The following CELSR1 variants were observed in gnomAD, a reference collection of about 807,000 sequenced individuals.
CELSR1 encodes cadherin EGF LAG seven-pass G-type receptor 1.
A neutral mutation model predicts 249.1 loss-of-function variants in CELSR1; 110 were observed. That is an observed-to-expected ratio of 0.44 (90% CI 0.38 to 0.52). CELSR1 has a LOEUF of 0.52. Among genes scored for constraint, CELSR1 ranks in the 20% least tolerant of loss-of-function variants. The pLI is 0.00. For missense variants in CELSR1, 4,109 were observed against 4,296.4 expected (o/e 0.96, Z 1.22); for synonymous variants, 2,113 against 1,900.0 (o/e 1.11, Z -2.92).
intron 5 of CELSR1, among the ~76,000 whole-genome samples, chr22:46,421,215 A>G (rs546078527): frequency 1.3e-4 from 20 of 149,400 alleles, no homozygotes; most frequent in African/African-American, 4.9e-4. Context: ...CTGGGGGGGT[A>G]GAGGCGGGAA....
intron 1 of CELSR1, among the ~76,000 whole-genome samples, chr22:46,524,282 C>T (rs962751574): frequency 1.3e-5 from 2 of 152,318 alleles, no homozygotes; most frequent in South Asian, 2.1e-4. Context: ...CAGACCCAGG[C>T]GGTCCCGCGC....
rs532407667 is a variant in CELSR1 at position 46,484,129 on chromosome 22, C to G, written c.3545-19784G>C. On this transcript the variant is annotated intron_variant, in intron 1 of 34. Transcript: ENST00000674500. This position sits in a 1 kb window ranked among gnomAD's most constrained non-coding sequence, Gnocchi z 4.5. ...GGAGGAGCGCCCCAGGCCTTCCGCC[C>G]AGAAATCCAAGGGTACAGGGCAAGA... Among the ~76,000 whole-genome samples, 1 of 152,304 alleles carries G rather than the reference C, an allele frequency of 6.6e-6. No homozygotes were observed. Among genetic ancestry groups the G allele is most frequent in the Non-Finnish European group, 1.5e-5 (1 of 68,030 alleles).
chr22:46,410,411 A>G lies in CELSR1; in HGVS notation c.4920T>C (p.Asn1640=). 1.2e-6 allele frequency: 2 copies of G among 1,613,670 alleles called. No homozygotes were observed. The highest frequency in any genetic ancestry group is 1.1e-5 in the South Asian group (1 of 91,086). ...NVDMAGFIAN[N]GTREGCAARR... ...GGCCACCCGTACCTTCCCGGGTGCCATTGTTGGCGATGAATCCGGCCATGT... is the reference window on the plus strand; with the variant it reads ...GGCCACCCGTACCTTCCCGGGTGCCGTTGTTGGCGATGAATCCGGCCATGT... The change falls in exon 7 of 35, where the codon AAT becomes AAC. Residue 1640 remains asparagine, a synonymous_variant. Transcript: ENST00000674500. This position sits in a 1 kb window ranked among gnomAD's most constrained non-coding sequence, Gnocchi z 6.8.
chr22:46,456,722 G>A (rs556565976), intron 2 of CELSR1, among the ~76,000 whole-genome samples: 7 of 149,584 alleles, frequency 4.7e-5, no homozygotes, highest in East Asian at 2.0e-4. Context: ...CTGGAGTGAC[G>A]TACACATTTT....
At chr22:46,502,861 A>G (rs1427934975) in intron 1 of CELSR1, among the ~76,000 whole-genome samples, 2 of 152,174 alleles carry the variant, frequency 1.3e-5, no homozygotes, top group Non-Finnish European at 2.9e-5. Context: ...TTAAAGAAGC[A>G]TGCTCCGTAA....
Position 46,391,233 on chromosome 22 carries a change from G to A in CELSR1, c.6203C>T (p.Thr2068Ile), listed in dbSNP as rs1232671162. The A allele has an allele frequency of 3.7e-6, 6 of 1,613,612 alleles. No individual in the cohort carries two copies. Among genetic ancestry groups the A allele is most frequent in the African/African-American group, 1.3e-5 (1 of 74,916 alleles). Residue 2068 changes from threonine to isoleucine, a missense_variant, in exon 16 of 35, where the codon ACC (threonine) becomes ATC (isoleucine). Physicochemically the swap from Thr to Ile is moderately conservative, Grantham distance 89. Transcript: ENST00000674500. This position sits in a 1 kb window ranked among gnomAD's most constrained non-coding sequence, Gnocchi z 4.3. ...CACCGCAGCCGGCTGCCCGAACTTG[G>A]TCTGTGGCCACCAGATGCCGGCCTC... Reference protein sequence around the residue: ...AFEAGIWWPQTKFGQPAAVPC... With the variant: ...AFEAGIWWPQIKFGQPAAVPC...
At chr22:46,420,961 C>G (rs9615999) in intron 5 of CELSR1, among the ~76,000 whole-genome samples, 56,688 of 151,946 alleles carry the variant, frequency 0.37, 14,086 homozygotes, top group African/African-American at 0.71. Flanking sequence ...CGACAGCCCT[C>G]GGATGGCACG....
intron 23 of CELSR1, 75 bp from the exon 24 acceptor site, chr22:46,377,336 T>G: frequency 6.9e-7 from 1 of 1,446,956 alleles, no homozygotes; most frequent in Non-Finnish European, 9.6e-7. Flanking sequence ...ATAACAGAGA[T>G]AAATTACACA....
rs1354803930 is a variant in CELSR1 at position 46,395,320 on chromosome 22, C to T, written c.5844-1058G>A. The stretch of plus-strand genomic sequence containing the variant: ...GGTGGGGGTTCCCTAAGACCAGGTC[C>T]TGCCACTTTAGTGCTGGGCCCCCAC... On this transcript the variant is annotated intron_variant, in intron 13 of 34. Transcript: ENST00000674500. This position sits in a 1 kb window ranked among gnomAD's most constrained non-coding sequence, Gnocchi z 5.5. 6.6e-6 allele frequency among the ~76,000 whole-genome samples: 1 copy of T among 151,752 alleles called. No homozygotes were observed. The highest frequency in any genetic ancestry group is 1.5e-5 in the Non-Finnish European group (1 of 67,724).
At chr22:46,467,923 G>C (rs1392285888) in intron 1 of CELSR1, among the ~76,000 whole-genome samples, 10 of 152,118 alleles carry the variant, frequency 6.6e-5, no homozygotes. Context: ...CTACTTTACT[G>C]CTCATTTTGT....
intron 18 of CELSR1, among the ~76,000 whole-genome samples, chr22:46,387,610 C>T (rs1177601061): frequency 1.3e-5 from 2 of 152,120 alleles, no homozygotes; most frequent in Admixed American, 6.5e-5. Context: ...CTGCCCATCT[C>T]GGCCTCCCAA....
Position 46,534,854 on chromosome 22 carries a change from C to A in CELSR1, c.2317G>T (p.Ala773Ser). Residue 773 changes from alanine to serine, a missense_variant, in exon 1 of 35, where the codon GCG becomes TCG. Ala to Ser is a moderately conservative substitution (Grantham distance 99, BLOSUM62 1). This residue lies in a region of CELSR1 where 886 missense variants were observed against 896.5 expected (regional missense o/e 0.99). Coordinates refer to ENST00000674500, the MANE Select transcript of CELSR1 (RefSeq NM_001378328.1). The surrounding 1 kb of genome is among the most constrained non-coding windows in gnomAD (Gnocchi z 9.7). ...TASDGTRSHT[A>S]HVLINVTDAN... ...TCAGTGACGTTGATTAGGACATGCG[C>A]AGTGTGCGACCGTGTGCCGTCGGAT... The A allele has an allele frequency of 6.2e-7, 1 of 1,612,936 alleles. No individual in the cohort carries two copies. The highest frequency in any genetic ancestry group is 8.5e-7 in the Non-Finnish European group (1 of 1,180,002).
chr22:46,509,695 T>C (rs2080552834), intron 1 of CELSR1, among the ~76,000 whole-genome samples: 2 of 151,888 alleles, frequency 1.3e-5, no homozygotes, highest in African/African-American at 4.8e-5. Context: ...GAGTAGTGAG[T>C]ACGGGAGTGA....
In CELSR1 at chr22:46,363,218, A is replaced by G. The variant is rs746854524; in HGVS notation, c.*5T>C. 6.9e-6 allele frequency: 11 copies of G among 1,583,800 alleles called. No homozygotes were observed. The South Asian group carries it at 1.2e-4, about 17-fold the overall frequency. On this transcript the variant is annotated 3_prime_UTR_variant, in exon 35 of 35. Transcript: ENST00000674500. The surrounding 1 kb of genome is among the most constrained non-coding windows in gnomAD (Gnocchi z 4.3). ...GGTTCAAATTGAAGTTTCATTACTGATGGTTCAAATTGAAGTTTCATTACT... is the reference window on the plus strand; with the variant it reads ...GGTTCAAATTGAAGTTTCATTACTGGTGGTTCAAATTGAAGTTTCATTACT...
Position 46,536,766 on chromosome 22 carries a change from G to C in CELSR1, c.405C>G (p.Val135=), listed in dbSNP as rs965041088. The change falls in exon 1 of 35, where the codon GTC becomes GTG. Residue 135 remains valine, a synonymous_variant. Transcript: ENST00000674500. The stretch of plus-strand genomic sequence containing the variant: ...GCTGCGCGGCCGCGCAGCCGCCGGG[G>C]ACGGGGAAGCAGAGCGCCCCGCAGA... The part of the protein sequence containing the change: ...ARLCGALCFP[V]PGGCAAAQHS... 5 of 1,185,004 alleles carry C rather than the reference G, an allele frequency of 4.2e-6. No homozygotes were observed. In the Admixed American group the frequency reaches 1.4e-4, roughly 33 times the overall value. The allele number at this position is 1,185,004 out of a possible 1,614,324, so 73.4% of individuals were successfully genotyped here. A position where few individuals can be genotyped will look rare whatever the true frequency, so the allele number is the denominator to read the frequency against.
At chr22:46,462,948 G>A (rs1361434330) in intron 2 of CELSR1, 2 of 465,886 alleles carry the variant, frequency 4.3e-6, no homozygotes, top group Non-Finnish European at 8.9e-6. Context: ...TGAAAAAACA[G>A]GATTTCAAGA....
chr22:46,385,076 G>A (rs1362305961), intron 19 of CELSR1, among the ~76,000 whole-genome samples: 6 of 151,522 alleles, frequency 4.0e-5, no homozygotes, highest in East Asian at 3.9e-4. Context: ...ACAGGCATGA[G>A]CCACCACGCC....
chr22:46,505,917 G>A (rs1221873033), intron 1 of CELSR1, among the ~76,000 whole-genome samples: 1 of 152,066 alleles, frequency 6.6e-6, no homozygotes, highest in Admixed American at 6.5e-5. Context: ...GGTGGCTCAT[G>A]CCTGTAATCC....
chr22:46,377,304 G>A (rs762248785), intron 23 of CELSR1, 43 bp from the exon 24 acceptor site: 15 of 1,588,766 alleles, frequency 9.4e-6, no homozygotes, highest in East Asian at 4.5e-5. Context: ...GGTAAGGGCC[G>A]AGGCTCAGAT....
Sources: gnomAD v4.1 joint callset for allele counts (sites outside exome capture counted in the v4.1 genomes callset) on GRCh38, gnomAD v4.1.1 for gene constraint, gnomAD v4.1.1 regional missense constraint, Gnocchi (gnomAD v3.1) non-coding constraint, MANE v1.5 for transcripts, NCBI Gene and HGNC (gene_info 2026-07-23, HGNC 2026-07-21) for gene names.